UNC5C: variants seen among roughly 807,000 people sequenced by gnomAD.
The protein encoded by UNC5C is netrin receptor UNC5C.
In UNC5C, 47 loss-of-function variants were observed where a neutral mutation model predicts 99.8. The ratio of observed to expected loss-of-function variants is 0.47; its 90% CI spans 0.37 to 0.60. UNC5C has a LOEUF of 0.60. Ranked by LOEUF, UNC5C falls within the 20% of genes least tolerant of loss-of-function variation. The probability of loss-of-function intolerance (pLI) is 0.00; values close to 1 mark genes in which losing one functional copy is unlikely to be tolerated. For missense variants in UNC5C, 1,062 were observed against 1,165.9 expected (o/e 0.91, Z 1.30); for synonymous variants, 487 against 452.2 (o/e 1.08, Z -0.98).
At chr4:95,470,290 T>G (rs1747927153) in intron 1 of UNC5C, among the ~76,000 whole-genome samples, 1 of 152,178 alleles carries the variant, frequency 6.6e-6, no homozygotes, top group South Asian at 2.1e-4. Context: ...CATATATTTA[T>G]TTTTTAAAAA....
chr4:95,501,202 G>T (rs1721767484), intron 1 of UNC5C, among the ~76,000 whole-genome samples: 1 of 152,026 alleles, frequency 6.6e-6, no homozygotes, highest in African/African-American at 2.4e-5. Context: ...ATTAGGTTTT[G>T]CTTTTTAATG....
At chr4:95,291,559 A>G (rs978206291) in intron 3 of UNC5C, among the ~76,000 whole-genome samples, 5 of 152,322 alleles carry the variant, frequency 3.3e-5, no homozygotes, top group Admixed American at 2.6e-4. Context: ...TCTACCTCTC[A>G]GAATAAATAT....
At chr4:95,375,047 A>G (rs1454167953) in intron 1 of UNC5C, among the ~76,000 whole-genome samples, 2 of 152,158 alleles carry the variant, frequency 1.3e-5, no homozygotes, top group African/African-American at 2.4e-5. Context: ...CTTAACAGAG[A>G]CTGGAAAGTG....
chr4:95,531,571 TATA>T (rs1722643360), intron 1 of UNC5C, among the ~76,000 whole-genome samples: 1 of 152,248 alleles, frequency 6.6e-6, no homozygotes, highest in Non-Finnish European at 1.5e-5. Flanking sequence ...AATAACACCT[TATA>T]ATGATACATT....
intron 1 of UNC5C, among the ~76,000 whole-genome samples, chr4:95,394,674 T>TGTGTGC (rs972166811): frequency 2.6e-5 from 4 of 152,088 alleles, no homozygotes; most frequent in East Asian, 3.9e-4. Flanking sequence ...TGTGTGTGTG[T>TGTGTGC]GCTTTTCTCA....
intron 12 of UNC5C, among the ~76,000 whole-genome samples, chr4:95,200,408 T>A (rs1208886369): frequency 6.6e-6 from 1 of 152,190 alleles, no homozygotes; most frequent in Non-Finnish European, 1.5e-5. Context: ...GCAACTTTGC[T>A]TAGGGGCAGA....
chr4:95,537,720 A>T (rs948127822), intron 1 of UNC5C, among the ~76,000 whole-genome samples: 1 of 152,192 alleles, frequency 6.6e-6, no homozygotes, highest in African/African-American at 2.4e-5. Flanking sequence ...GCAATAATGC[A>T]TCATACTACT....
chr4:95,534,840 C>T (rs1194962230), intron 1 of UNC5C, among the ~76,000 whole-genome samples: 1 of 151,996 alleles, frequency 6.6e-6, no homozygotes, highest in Non-Finnish European at 1.5e-5. Context: ...TTTGACCTTG[C>T]TTGGAAATTT....
At chr4:95,461,219 A>G (rs1470818436) in intron 1 of UNC5C, among the ~76,000 whole-genome samples, 1 of 152,204 alleles carries the variant, frequency 6.6e-6, no homozygotes, top group Admixed American at 6.5e-5. Context: ...AGGATAGTGC[A>G]AGGCATGCAA....
At chr4:95,317,757 C>T (rs1177400406) in intron 2 of UNC5C, among the ~76,000 whole-genome samples, 1 of 152,140 alleles carries the variant, frequency 6.6e-6, no homozygotes, top group African/African-American at 2.4e-5. Context: ...ATTGCCTGTT[C>T]CATTTATAGT....
chr4:95,400,976 C>G (rs142154939), intron 1 of UNC5C, among the ~76,000 whole-genome samples: 1 of 152,152 alleles, frequency 6.6e-6, no homozygotes, highest in Non-Finnish European at 1.5e-5. Context: ...TGCCAGCAAA[C>G]GGATTCTTTC....
At chr4:95,506,917 G>T (rs1489863139) in intron 1 of UNC5C, among the ~76,000 whole-genome samples, 1 of 150,808 alleles carries the variant, frequency 6.6e-6, no homozygotes, top group Non-Finnish European at 1.5e-5. Context: ...ATGTAAGTAA[G>T]ATATTAATAA....
At chr4:95,426,705 A>G (rs560074834) in intron 1 of UNC5C, among the ~76,000 whole-genome samples, 1 of 152,378 alleles carries the variant, frequency 6.6e-6, no homozygotes, top group Non-Finnish European at 1.5e-5. Flanking sequence ...TGGTCTGGAT[A>G]GAAGATCAAA....
At chr4:95,491,160 A>G (rs1013704697) in intron 1 of UNC5C, among the ~76,000 whole-genome samples, 9 of 151,684 alleles carry the variant, frequency 5.9e-5, no homozygotes, top group Non-Finnish European at 1.2e-4. Context: ...AAGTGGGTAT[A>G]TATGAGAACT....
chr4:95,295,554 T>C (rs1741642639), intron 3 of UNC5C, among the ~76,000 whole-genome samples: 1 of 152,220 alleles, frequency 6.6e-6, no homozygotes, highest in African/African-American at 2.4e-5. Context: ...CAATATTCAT[T>C]TATGGTTTAT....
At chr4:95,233,386 A>C (rs984653481) in intron 7 of UNC5C, among the ~76,000 whole-genome samples, 4 of 152,176 alleles carry the variant, frequency 2.6e-5, no homozygotes, top group African/African-American at 9.7e-5. Context: ...TTCAGATTTG[A>C]ACTGTTAAAA....
intron 3 of UNC5C, among the ~76,000 whole-genome samples, chr4:95,294,683 C>T (rs1418260490): frequency 6.6e-6 from 1 of 152,076 alleles, no homozygotes; most frequent in Non-Finnish European, 1.5e-5. Flanking sequence ...GACAGTCTAG[C>T]CCTGGGACAT....
At chr4:95,182,205 G>A (rs959827729) in intron 14 of UNC5C, among the ~76,000 whole-genome samples, 6 of 152,144 alleles carry the variant, frequency 3.9e-5, no homozygotes, top group African/African-American at 1.4e-4. Context: ...CTGTAATATG[G>A]ACACAGGGAA....
At chr4:95,300,207 G>A (rs939267076) in intron 3 of UNC5C, among the ~76,000 whole-genome samples, 3 of 152,174 alleles carry the variant, frequency 2.0e-5, no homozygotes, top group African/African-American at 7.2e-5. Flanking sequence ...AGGTTACGTG[G>A]CATCCATGTT....
Sources: gnomAD v4.1 joint callset for allele counts (sites outside exome capture counted in the v4.1 genomes callset) on GRCh38, gnomAD v4.1.1 for gene constraint, MANE v1.5 for transcripts, NCBI Gene and HGNC (gene_info 2026-07-23, HGNC 2026-07-21) for gene names.